The following COX16 variants were observed in gnomAD, a reference collection of about 807,000 sequenced individuals.
COX16 encodes cytochrome c oxidase assembly protein COX16 homolog, mitochondrial.
Under a neutral mutation model 15.4 loss-of-function variants are expected in COX16, and 12 were observed. That is an observed-to-expected ratio of 0.78 (90% CI 0.50 to 1.26). The LOEUF (loss-of-function observed/expected upper bound fraction) is 1.26. COX16 is among the 50% of genes most tolerant of loss of function. COX16 has a pLI of 0.00. For missense variants in COX16, 124 were observed against 127.6 expected, an observed-to-expected ratio of 0.97 and a Z score of 0.14; for synonymous variants, 46 against 41.1, an observed-to-expected ratio of 1.12 and a Z score of -0.46.
intron 2 of COX16, 150 bp from the exon 3 acceptor site, chr14:70,329,386 A>G (rs781659289): frequency 2.5e-5 from 15 of 610,124 alleles, no homozygotes; most frequent in Non-Finnish European, 3.9e-5. Flanking sequence ...TCACATAATG[A>G]TAACTAATGT....
chr14:70,339,526 C>T (rs866724772), intron 2 of COX16, among the ~76,000 whole-genome samples: 1 of 152,216 alleles, frequency 6.6e-6, no homozygotes, highest in Middle Eastern at 3.4e-3. Context: ...CTCAACTGAA[C>T]CCATCCTCTC....
intron 2 of COX16, among the ~76,000 whole-genome samples, chr14:70,331,444 A>T (rs562930431): frequency 1.6e-4 from 25 of 152,334 alleles, no homozygotes; most frequent in African/African-American, 6.0e-4. Flanking sequence ...AGTAGAAAAA[A>T]ATGAGCAAGA....
At position 70,326,432 on chromosome 14, in the gene COX16, C is replaced by A; in HGVS notation, c.222G>T (p.Lys74Asn). The change falls in exon 4 of 4, where the codon AAG (lysine) becomes AAT (asparagine). Residue 74 changes from lysine (K) to asparagine (N), a missense_variant. Coordinates refer to ENST00000389912, the MANE Select transcript of COX16 (RefSeq NM_016468.7). ...CTCGAATATTCTTCCAGTCATCAAA[C>A]TTGGAGTCTTTGATTTTCTATAGAA... ...ESEYEKIKDS[K>N]FDDWKNIRGP... 6.3e-7 allele frequency: 1 copy of A among 1,586,136 alleles called. No individual in the cohort carries two copies.
At chr14:70,339,723 T>G (rs958865127) in intron 2 of COX16, among the ~76,000 whole-genome samples, 4 of 152,138 alleles carry the variant, frequency 2.6e-5, no homozygotes, top group Non-Finnish European at 5.9e-5. Context: ...CCTCATCCTC[T>G]CTACCTAACT....
chr14:70,343,007 C>A (rs1486910888), intron 1 of COX16, among the ~76,000 whole-genome samples: 3 of 152,154 alleles, frequency 2.0e-5, no homozygotes, highest in Non-Finnish European at 1.5e-5. Flanking sequence ...ATTGTATTAT[C>A]TGACTCTTAC....
chr14:70,329,739 A>T (rs569490011), intron 2 of COX16, among the ~76,000 whole-genome samples: 3 of 150,050 alleles, frequency 2.0e-5, no homozygotes, highest in African/African-American at 7.3e-5. Context: ...AAAAAAAAAA[A>T]TCCATAGAGG....
chr14:70,354,646 G>T (rs1027190991), intron 1 of COX16, among the ~76,000 whole-genome samples: 3 of 152,136 alleles, frequency 2.0e-5, no homozygotes, highest in Non-Finnish European at 2.9e-5. Flanking sequence ...CTCGACATAT[G>T]AGTCTCTTTT....
chr14:70,349,096 C>G (rs1886866435), intron 1 of COX16, among the ~76,000 whole-genome samples: 2 of 152,332 alleles, frequency 1.3e-5, no homozygotes, highest in South Asian at 4.1e-4. Context: ...ATCTCCAAAG[C>G]CTCCCCAACA....
At chr14:70,352,943 G>A (rs1375719014) in intron 1 of COX16, among the ~76,000 whole-genome samples, 2 of 151,890 alleles carry the variant, frequency 1.3e-5, no homozygotes, top group Non-Finnish European at 2.9e-5. Flanking sequence ...AACCTTAAAA[G>A]ATCCCCAAGT....
At chr14:70,345,729 C>G (rs189260612) in intron 1 of COX16, among the ~76,000 whole-genome samples, 1 of 152,262 alleles carries the variant, frequency 6.6e-6, no homozygotes, top group East Asian at 1.9e-4. Context: ...CAGTTCACAA[C>G]CCAACCTCTG....
chr14:70,350,383 C>A (rs1322052118), intron 1 of COX16, among the ~76,000 whole-genome samples: 1 of 152,106 alleles, frequency 6.6e-6, no homozygotes, highest in South Asian at 2.1e-4. Flanking sequence ...GGCCTCAGCC[C>A]GCCTGCACCC....
intron 2 of COX16, among the ~76,000 whole-genome samples, chr14:70,331,383 G>A (rs961474378): frequency 1.3e-5 from 2 of 151,914 alleles, no homozygotes; most frequent in Non-Finnish European, 2.9e-5. Flanking sequence ...TTATAATCTG[G>A]CATGCATAAA....
intron 2 of COX16, among the ~76,000 whole-genome samples, chr14:70,331,377 A>G (rs1410463995): frequency 6.6e-6 from 1 of 152,194 alleles, no homozygotes; most frequent in Non-Finnish European, 1.5e-5. Flanking sequence ...AAAGGTTTAT[A>G]ATCTGGCATG....
At chr14:70,346,696 C>G (rs559718460) in intron 1 of COX16, among the ~76,000 whole-genome samples, 1 of 152,174 alleles carries the variant, frequency 6.6e-6, no homozygotes, top group African/African-American at 2.4e-5. Context: ...TTAATTAATA[C>G]CGGGCAAACT....
At chr14:70,339,487 T>C (rs1594915339) in intron 2 of COX16, among the ~76,000 whole-genome samples, 2 of 152,154 alleles carry the variant, frequency 1.3e-5, no homozygotes, top group African/African-American at 4.8e-5. Flanking sequence ...CAAATCCATA[T>C]TGTGCTTTCT....
intron 1 of COX16, among the ~76,000 whole-genome samples, chr14:70,353,491 G>GAGATAGAT (rs150806868): frequency 5.9e-4 from 88 of 149,042 alleles, no homozygotes; most frequent in Non-Finnish European, 1.0e-3. Flanking sequence ...CACACACATA[G>GAGATAGAT]AGATAGATAG....
chr14:70,326,420 C>CCAGT lies in COX16; in HGVS notation c.230_233dup (p.Trp78Ter). On this transcript the variant is annotated stop_gained and frameshift_variant, in exon 4 of 4. Transcript: ENST00000389912. LOFTEE classifies it high-confidence loss of function. ...AAGGCCTGGGTCCTCGAATATTCTT[C>CCAGT]CAGTCATCAAACTTGGAGTCTTTGA... 6.3e-7 allele frequency: 1 copy of CCAGT among 1,593,174 alleles called. No individual in the cohort carries two copies. The highest frequency in any genetic ancestry group is 8.5e-7 in the Non-Finnish European group (1 of 1,171,036).
At chr14:70,339,402 T>C (rs1886557445) in intron 2 of COX16, among the ~76,000 whole-genome samples, 1 of 152,204 alleles carries the variant, frequency 6.6e-6, no homozygotes, top group Non-Finnish European at 1.5e-5. Flanking sequence ...AAGCAAGATT[T>C]TTTTTTCCTG....
chr14:70,343,695 AT>A (rs1354537938), intron 1 of COX16, among the ~76,000 whole-genome samples: 8 of 152,262 alleles, frequency 5.3e-5, no homozygotes. Flanking sequence ...ATCTTAAGAT[AT>A]ACAGAATCAC....
Sources: allele counts gnomAD v4.1 joint callset (sites outside exome capture counted in the v4.1 genomes callset), GRCh38; gene constraint gnomAD v4.1.1; transcripts MANE v1.5; gene names NCBI Gene and HGNC (gene_info 2026-07-23, HGNC 2026-07-21).